SCAPER: variants seen among roughly 807,000 people sequenced by gnomAD.
The protein encoded by SCAPER is S phase cyclin A-associated protein in the endoplasmic reticulum.
SCAPER carries 98 observed loss-of-function variants against 182.2 expected under a neutral mutation model. The ratio of observed to expected loss-of-function variants is 0.54; its 90% CI spans 0.46 to 0.64. The LOEUF (loss-of-function observed/expected upper bound fraction) is 0.64. Ranked by LOEUF, SCAPER falls within the 30% of genes least tolerant of loss-of-function variation. The pLI is 0.00. For synonymous variants in SCAPER, 605 were observed against 564.6 expected, an observed-to-expected ratio of 1.07 and a Z score of -1.01; for missense variants, 1,432 against 1,690.0, an observed-to-expected ratio of 0.85 and a Z score of 2.68.
At chr15:76,858,779 A>C (rs1333170732) in intron 3 of SCAPER, among the ~76,000 whole-genome samples, 2 of 151,964 alleles carry the variant, frequency 1.3e-5, no homozygotes, top group Non-Finnish European at 2.9e-5. Flanking sequence ...AGCTCCATCC[A>C]TATTGCTGCA....
chr15:76,521,720 T>C (rs572827334), intron 23 of SCAPER, among the ~76,000 whole-genome samples: 2 of 152,308 alleles, frequency 1.3e-5, no homozygotes, highest in South Asian at 4.1e-4. Context: ...AATTCCAAAA[T>C]AGGTCAGCTT....
chr15:76,895,707 T>G (rs1315397207), intron 1 of SCAPER, among the ~76,000 whole-genome samples: 2 of 152,096 alleles, frequency 1.3e-5, no homozygotes, highest in Non-Finnish European at 2.9e-5. Flanking sequence ...TCAGTAGCTT[T>G]TCTATACACT....
chr15:76,844,513 T>C (rs1341074703), intron 4 of SCAPER, among the ~76,000 whole-genome samples: 1 of 151,948 alleles, frequency 6.6e-6, no homozygotes, highest in Non-Finnish European at 1.5e-5. Context: ...ATAAATAAAA[T>C]TAGAGATGAA....
At chr15:76,523,659 T>G (rs1292286877) in intron 23 of SCAPER, among the ~76,000 whole-genome samples, 1 of 152,048 alleles carries the variant, frequency 6.6e-6, no homozygotes, top group Non-Finnish European at 1.5e-5. Flanking sequence ...AATTGCATAG[T>G]ACATATTATA....
intron 24 of SCAPER, among the ~76,000 whole-genome samples, chr15:76,475,821 C>T (rs2050584390): frequency 6.6e-6 from 1 of 152,110 alleles, no homozygotes; most frequent in Admixed American, 6.6e-5. Context: ...ACAGTGAAAA[C>T]TAATGAGCTA....
intron 29 of SCAPER, 29 bp downstream of exon 29, chr15:76,376,133 A>C: frequency 6.2e-7 from 1 of 1,610,814 alleles, no homozygotes; most frequent in Admixed American, 1.7e-5. Flanking sequence ...CTGGGGGAGC[A>C]GTCTAAGGAA....
chr15:76,717,614 A>G (rs1453638768), intron 17 of SCAPER, among the ~76,000 whole-genome samples: 1 of 151,566 alleles, frequency 6.6e-6, no homozygotes, highest in Non-Finnish European at 1.5e-5. Context: ...ACAACTTAAC[A>G]GTTGTTAAGT....
chr15:76,436,076 G>GTT (rs1252164429), intron 25 of SCAPER, among the ~76,000 whole-genome samples: 1 of 151,506 alleles, frequency 6.6e-6, no homozygotes, highest in Non-Finnish European at 1.5e-5. Flanking sequence ...GTTTTGTTTT[G>GTT]TTTTTTTTGG....
intron 29 of SCAPER, among the ~76,000 whole-genome samples, chr15:76,361,343 GA>G (rs2041400888): frequency 6.6e-6 from 1 of 152,194 alleles, no homozygotes; most frequent in South Asian, 2.1e-4. Context: ...AATATTTGCT[GA>G]GCATCTACTC....
intron 20 of SCAPER, among the ~76,000 whole-genome samples, chr15:76,690,011 A>G (rs997225714): frequency 1.3e-5 from 2 of 152,112 alleles, no homozygotes; most frequent in Non-Finnish European, 2.9e-5. Flanking sequence ...CAAAAATTTT[A>G]TATAGATAGT....
chr15:76,670,423 C>T lies in SCAPER; in HGVS notation c.2509-4634G>A, dbSNP rs895844303. On this transcript the variant is annotated intron_variant, in intron 20 of 31. Coordinates refer to ENST00000563290, the MANE Select transcript of SCAPER (RefSeq NM_020843.4). ...ATGAATATACCTATTTTGAGTAATG[C>T]CTTATTGTTAGACATGTGGATAATT... is the stretch of plus-strand genomic sequence containing the variant. 5.3e-5 allele frequency among the ~76,000 whole-genome samples: 8 copies of T among 151,950 alleles called. No individual in the cohort carries two copies. In the East Asian group the frequency reaches 7.7e-4, roughly 15 times the overall value.
chr15:76,505,475 C>A (rs2041491080), intron 23 of SCAPER, among the ~76,000 whole-genome samples: 1 of 152,076 alleles, frequency 6.6e-6, no homozygotes, highest in Admixed American at 6.6e-5. Flanking sequence ...ATACAGATGG[C>A]AAACAGGCAT....
intron 23 of SCAPER, among the ~76,000 whole-genome samples, chr15:76,520,450 T>C (rs891032653): frequency 6.6e-6 from 1 of 152,172 alleles, no homozygotes; most frequent in Admixed American, 6.5e-5. Context: ...ACTCCTGAGC[T>C]TAAGTGACCC....
rs78521131 is a variant in SCAPER at position 76,710,959 on chromosome 15, G to C, written c.2166-4975C>G. Among the ~76,000 whole-genome samples, 813 of 152,122 alleles carry C rather than the reference G, an allele frequency of 5.3e-3. 7 individuals are homozygous for C. Among genetic ancestry groups the C allele is most frequent in the African/African-American group, 0.019 (788 of 41,510 alleles). On this transcript the variant is annotated intron_variant, in intron 17 of 31. Transcript: ENST00000563290. Reference sequence around the variant, plus strand: ...AATGATCAATTGATCTTTAACAGATGGTAAGGCAGTTCAGTGGGGAAAGGA... The same window carrying C: ...AATGATCAATTGATCTTTAACAGATCGTAAGGCAGTTCAGTGGGGAAAGGA...
rs141241273 is a variant in SCAPER, at chr15:76,437,882, T to G, written c.3079-3572A>C. 3.4e-4 allele frequency among the ~76,000 whole-genome samples: 52 copies of G among 152,344 alleles called. 1 individual carries two copies. In the East Asian group the frequency reaches 9.3e-3, roughly 27 times the overall value. On this transcript the variant is annotated intron_variant, in intron 25 of 31. Transcript: ENST00000563290. ...ATACATAGTCAAGGGAGCAGACTGA[T>G]GCTTTGCTCATCCTCAGGCTTTTGT...
chr15:76,511,865 GTGTGTGTA>G (rs1414027834), intron 23 of SCAPER, among the ~76,000 whole-genome samples: 5,532 of 109,744 alleles, frequency 0.05, 181 homozygotes, highest in Non-Finnish European at 0.071. Context: ...GTGTGTGTGT[GTGTGTGTA>G]TATATATATA....
In SCAPER at chr15:76,753,951, A is replaced by G. The variant is rs1414282879; in HGVS notation, c.1726-3T>C. ...TTCCACTTCCGGACATCCTTCTCCT[A>G]CGTATAGTGAATCATCACATCCTTA... On this transcript the variant is annotated splice_region_variant and splice_polypyrimidine_tract_variant and intron_variant, in intron 14 of 31. Coordinates refer to ENST00000563290, the MANE Select transcript of SCAPER (RefSeq NM_020843.4). The G allele has an allele frequency of 6.2e-7, 1 of 1,611,404 alleles. No individual in the cohort carries two copies. Among genetic ancestry groups the G allele is most frequent in the Non-Finnish European group, 8.5e-7 (1 of 1,178,618 alleles).
intron 31 of SCAPER, 85 bp from the exon 32 acceptor site, chr15:76,348,821 C>G (rs1490726461): frequency 2.5e-6 from 2 of 800,970 alleles, no homozygotes; most frequent in Non-Finnish European, 3.9e-6. Flanking sequence ...ATTTTGATAT[C>G]TGAGTATAAA....
chr15:76,768,839 A>AT (rs1396554291), intron 10 of SCAPER, among the ~76,000 whole-genome samples: 11 of 150,196 alleles, frequency 7.3e-5, no homozygotes, highest in African/African-American at 2.7e-4. Context: ...AAAAAAAAAA[A>AT]ATATATATAT....
Sources: gnomAD v4.1 joint callset for allele counts (sites outside exome capture counted in the v4.1 genomes callset) on GRCh38, gnomAD v4.1.1 for gene constraint, MANE v1.5 for transcripts, NCBI Gene and HGNC (gene_info 2026-07-23, HGNC 2026-07-21) for gene names.